FBXO4: variants seen among roughly 807,000 people sequenced by gnomAD.
The protein encoded by FBXO4 is F-box protein 4.
In FBXO4, 36 loss-of-function variants were observed where a neutral mutation model predicts 43.7. The ratio of observed to expected loss-of-function variants is 0.82; its 90% CI spans 0.63 to 1.09. The LOEUF (loss-of-function observed/expected upper bound fraction) is 1.09. Ranked by LOEUF, FBXO4 falls within the 50% of genes least tolerant of loss-of-function variation. FBXO4 has a pLI of 0.00. For synonymous variants in FBXO4, 180 were observed against 165.6 expected (o/e 1.09, Z -0.67); for missense variants, 435 against 474.1 (o/e 0.92, Z 0.77).
chr5:41,925,435 G>A lies in FBXO4; in HGVS notation c.126G>A (p.Arg42=), dbSNP rs1205469487. 5 of 1,372,760 alleles carry A rather than the reference G, an allele frequency of 3.6e-6. No homozygotes were observed. The highest frequency in any genetic ancestry group is 7.5e-5 in the Admixed American group (2 of 26,716). The allele number at this position is 1,372,760 out of a possible 1,614,324, so 85.0% of individuals were successfully genotyped here. ...TCTGGCAGTCAGTGAGCAAGGAGAG[G>A]GTGGCGCGTACGACCTCACGGGAGG... ...KTFWQSVSKE[R]VARTTSREEV... Residue 42 remains arginine (R), a synonymous_variant, in exon 1 of 7, where the codon AGG becomes AGA. Coordinates refer to ENST00000281623, the MANE Select transcript of FBXO4 (RefSeq NM_012176.3).
the FBXO4 span, among the ~76,000 whole-genome samples, chr5:41,960,564 A>G: frequency 1.3e-5 from 2 of 152,054 alleles, no homozygotes; most frequent in African/African-American, 4.8e-5. Flanking sequence ...TGATGAAAGG[A>G]TGTTGAATTT....
chr5:41,951,375 G>A, the FBXO4 span: 7 of 233,300 alleles, frequency 3.0e-5, no homozygotes, highest in African/African-American at 1.2e-4. Context: ...ACCAGCCTTC[G>A]GTGGCAGGCT....
At position 41,939,428 on chromosome 5, in the gene FBXO4, T is replaced by C. The variant is rs763821954; in HGVS notation, c.899-13T>C. ...AGTAATGCAAATTAAGGGTTTTGAC[T>C]TACATTCCTTAGGACATGAATGGCA... On this transcript the variant is annotated splice_polypyrimidine_tract_variant and intron_variant, in intron 5 of 6. Coordinates refer to ENST00000281623, the MANE Select transcript of FBXO4 (RefSeq NM_012176.3). 3.0e-5 allele frequency: 48 copies of C among 1,584,720 alleles called. 1 individual carries two copies. Among genetic ancestry groups the C allele is most frequent in the Middle Eastern group, 1.7e-4 (1 of 5,926 alleles).
chr5:41,939,834 A>AT (rs60238550), intron 6 of FBXO4, among the ~76,000 whole-genome samples: 6,341 of 79,332 alleles, frequency 0.08, 840 homozygotes, highest in Non-Finnish European at 0.1. Context: ...ACAATTGGGG[A>AT]TTTTTTTTTT....
the FBXO4 span, among the ~76,000 whole-genome samples, chr5:42,028,581 T>C: frequency 6.6e-6 from 1 of 151,748 alleles, no homozygotes; most frequent in African/African-American, 2.4e-5. Flanking sequence ...TGTTTTCTGG[T>C]TGTCCTGTGC....
the FBXO4 span, among the ~76,000 whole-genome samples, chr5:42,002,753 C>T: frequency 1.3e-5 from 2 of 152,130 alleles, no homozygotes; most frequent in East Asian, 1.9e-4. Flanking sequence ...GTTGCCTTCA[C>T]GTGTACTCCA....
the FBXO4 span, among the ~76,000 whole-genome samples, chr5:41,971,037 C>A: frequency 1.3e-5 from 2 of 151,780 alleles, no homozygotes; most frequent in Non-Finnish European, 2.9e-5. Context: ...TTTGAATGGA[C>A]AAATAAACTG....
the FBXO4 span, among the ~76,000 whole-genome samples, chr5:42,031,179 T>C: frequency 1.6e-4 from 24 of 152,136 alleles, no homozygotes; most frequent in Admixed American, 6.5e-5. Context: ...AGTGGCACTA[T>C]TCACAATAGC....
At chr5:42,029,631 A>T in the FBXO4 span, among the ~76,000 whole-genome samples, 3 of 151,716 alleles carry the variant, frequency 2.0e-5, no homozygotes, top group Middle Eastern at 3.4e-3. Flanking sequence ...TATTGTTTTT[A>T]TTTATTTTTT....
chr5:41,960,492 T>TA, the FBXO4 span, among the ~76,000 whole-genome samples: 1 of 152,178 alleles, frequency 6.6e-6, no homozygotes, highest in South Asian at 2.1e-4. Context: ...GGGCTTCTCA[T>TA]ATATGGTCTT....
the FBXO4 span, among the ~76,000 whole-genome samples, chr5:42,001,784 T>A: frequency 6.6e-6 from 1 of 152,162 alleles, no homozygotes; most frequent in Non-Finnish European, 1.5e-5. Flanking sequence ...CTCTGCCTCC[T>A]GGGTTCAAGC....
chr5:42,006,331 A>G, the FBXO4 span, among the ~76,000 whole-genome samples: 1 of 152,108 alleles, frequency 6.6e-6, no homozygotes, highest in Non-Finnish European at 1.5e-5. Context: ...AATGTGTTTT[A>G]TATCATGCCA....
chr5:42,003,452 A>G, the FBXO4 span, among the ~76,000 whole-genome samples: 2 of 152,196 alleles, frequency 1.3e-5, no homozygotes, highest in Non-Finnish European at 2.9e-5. Flanking sequence ...TGATAGATGA[A>G]CATCGTACCA....
the FBXO4 span, among the ~76,000 whole-genome samples, chr5:42,018,158 T>G: frequency 2.0e-5 from 3 of 148,868 alleles, no homozygotes; most frequent in Non-Finnish European, 4.5e-5. Flanking sequence ...TATAAAATTA[T>G]ATATATCTAA....
chr5:41,972,998 G>C, the FBXO4 span, among the ~76,000 whole-genome samples: 1 of 152,076 alleles, frequency 6.6e-6, no homozygotes, highest in Non-Finnish European at 1.5e-5. Flanking sequence ...ATCTCATTCT[G>C]GTCATATGCC....
the FBXO4 span, among the ~76,000 whole-genome samples, chr5:42,002,085 T>G: frequency 6.6e-6 from 1 of 152,206 alleles, no homozygotes; most frequent in African/African-American, 2.4e-5. Context: ...TTTTACTGAA[T>G]TTATTTATTC....
chr5:41,939,547 T>A lies in FBXO4; in HGVS notation c.1005T>A (p.Asp335Glu). 2.5e-6 allele frequency: 4 copies of A among 1,613,866 alleles called. No individual in the cohort carries two copies. Among genetic ancestry groups the A allele is most frequent in the Non-Finnish European group, 3.4e-6 (4 of 1,179,858 alleles). ...TTTTATCTTGTATTTCTCAAGGGGA[T>A]GTAAAAAGAATGCCCTGTTTTTATT... Reference protein sequence around the residue: ...LLVLSCISQGDVKRMPCFYLA... With the variant: ...LLVLSCISQGEVKRMPCFYLA... Residue 335 changes from aspartate to glutamate, a missense_variant, in exon 6 of 7, where the codon GAT (aspartate) becomes GAA (glutamate). Asp to Glu is a conservative substitution (Grantham distance 45). Transcript: ENST00000281623.
At chr5:42,012,613 C>G in the FBXO4 span, among the ~76,000 whole-genome samples, 1 of 152,024 alleles carries the variant, frequency 6.6e-6, no homozygotes, top group Non-Finnish European at 1.5e-5. Flanking sequence ...GTCAAGCAAG[C>G]CTTATGTCAC....
At chr5:41,933,652 T>C (rs1392883922) in intron 3 of FBXO4, among the ~76,000 whole-genome samples, 2 of 152,164 alleles carry the variant, frequency 1.3e-5, no homozygotes, top group African/African-American at 4.8e-5. Context: ...TAGTAGTAGC[T>C]GTGATTATGC....
Sources: allele counts gnomAD v4.1 joint callset (sites outside exome capture counted in the v4.1 genomes callset), GRCh38; gene constraint gnomAD v4.1.1; transcripts MANE v1.5; gene names NCBI Gene and HGNC (gene_info 2026-07-23, HGNC 2026-07-21).